The following AVPI1 variants were observed in gnomAD, a reference collection of about 807,000 sequenced individuals.
AVPI1 encodes arginine vasopressin-induced protein 1.
In AVPI1, 9 loss-of-function variants were observed where a neutral mutation model predicts 11.9. The ratio of observed to expected loss-of-function variants is 0.76; its 90% CI spans 0.46 to 1.32. The LOEUF (loss-of-function observed/expected upper bound fraction) is 1.32. AVPI1 is among the 40% of genes most tolerant of loss of function. The pLI is 0.00. For missense variants in AVPI1, 207 were observed against 195.8 expected (o/e 1.06, Z -0.34); for synonymous variants, 68 against 78.1 (o/e 0.87, Z 0.68).
intron 1 of AVPI1, among the ~76,000 whole-genome samples, chr10:97,682,003 A>G (rs56302319): frequency 0.16 from 24,890 of 152,136 alleles, 2,294 homozygotes; most frequent in Non-Finnish European, 0.21. Flanking sequence ...ATTAGGTATT[A>G]TAAGTACCCT....
At chr10:97,678,879 G>T (rs1161666405) in intron 2 of AVPI1, among the ~76,000 whole-genome samples, 1 of 134,408 alleles carries the variant, frequency 7.4e-6, no homozygotes, top group East Asian at 2.2e-4. Context: ...GGCGGGGGGA[G>T]GGTGTGTGTG....
At chr10:97,685,965 C>T (rs1483659404) in intron 1 of AVPI1, among the ~76,000 whole-genome samples, 1 of 151,950 alleles carries the variant, frequency 6.6e-6, no homozygotes, top group African/African-American at 2.4e-5. Context: ...TCTCAGTTTC[C>T]CCTGCCACAA....
At chr10:97,678,684 T>TTA (rs771573400) in intron 2 of AVPI1, among the ~76,000 whole-genome samples, 23,511 of 145,048 alleles carry the variant, frequency 0.16, 2,106 homozygotes, top group South Asian at 0.34. Flanking sequence ...TAATTAGGCT[T>TTA]AAAAAAAAAA....
rs559139217 is a variant in AVPI1 at position 97,686,630 on chromosome 10, C to T, written c.-11+136G>A. 3 of 152,210 alleles carry T rather than the reference C, an allele frequency of 2.0e-5. No homozygotes were observed. In the East Asian group the frequency reaches 5.8e-4, roughly 29 times the overall value. 9.4% of individuals were successfully genotyped at this position (152,210 alleles called of 1,614,324 possible). On this transcript the variant is annotated intron_variant, in intron 1 of 2. Coordinates refer to ENST00000370626, the MANE Select transcript of AVPI1 (RefSeq NM_021732.3). ...GGAGGTCTTCTGGGGAAGGTCGGTC[C>T]CAGAAGCCTTTCGGAGGCTATCTGC...
At chr10:97,681,353 C>T (rs1175642445) in intron 1 of AVPI1, among the ~76,000 whole-genome samples, 1 of 151,370 alleles carries the variant, frequency 6.6e-6, no homozygotes, top group Non-Finnish European at 1.5e-5. Flanking sequence ...GGAGGTGAGG[C>T]GGGCGGATCA....
chr10:97,678,286 C>T (rs770009267), intron 2 of AVPI1, among the ~76,000 whole-genome samples: 7 of 152,216 alleles, frequency 4.6e-5, no homozygotes, highest in Admixed American at 3.9e-4. Context: ...TGGCAGATGT[C>T]ATAAGTCATG....
chr10:97,681,035 T>G (rs1194313066), intron 1 of AVPI1, among the ~76,000 whole-genome samples: 1 of 152,212 alleles, frequency 6.6e-6, no homozygotes, highest in Non-Finnish European at 1.5e-5. Context: ...CCACCCATCC[T>G]TGTCTCCAGC....
At chr10:97,678,924 TGTGTGTGTGTGTGTGTGTGTGTGTGTGTG>T (rs1564779845) in intron 2 of AVPI1, among the ~76,000 whole-genome samples, 4 of 17,572 alleles carry the variant, frequency 2.3e-4, no homozygotes, top group East Asian at 1.3e-3. Flanking sequence ...TGTGTGTGTG[TGTGTGTGTGTGTGTGTGTGTGTGTGTGTG>T]TGTGTGTGTG....
intron 2 of AVPI1, among the ~76,000 whole-genome samples, chr10:97,678,284 G>A (rs942552849): frequency 2.6e-5 from 4 of 152,242 alleles, no homozygotes; most frequent in African/African-American, 9.6e-5. Flanking sequence ...CATGGCAGAT[G>A]TCATAAGTCA....
chr10:97,684,376 TGCGA>T (rs1274876799), intron 1 of AVPI1, among the ~76,000 whole-genome samples: 1 of 152,078 alleles, frequency 6.6e-6, no homozygotes, highest in East Asian at 1.9e-4. Flanking sequence ...TTCAGCGAGC[TGCGA>T]GTCACAAACA....
chr10:97,686,228 A>G (rs546797664), intron 1 of AVPI1, among the ~76,000 whole-genome samples: 24 of 152,362 alleles, frequency 1.6e-4, no homozygotes, highest in African/African-American at 5.5e-4. Context: ...TATACCACAG[A>G]CATTCTATGC....
chr10:97,678,930 T>TTTTCA, intron 2 of AVPI1, among the ~76,000 whole-genome samples: 2 of 20,400 alleles, frequency 9.8e-5, no homozygotes, highest in African/African-American at 3.5e-4. Context: ...TGTGTGTGTG[T>TTTTCA]GTGTGTGTGT....
At chr10:97,678,954 T>TTTTCA (rs1564779919) in intron 2 of AVPI1, among the ~76,000 whole-genome samples, 2 of 43,048 alleles carry the variant, frequency 4.6e-5, no homozygotes, top group African/African-American at 8.7e-5. Flanking sequence ...TGTGTGTGTG[T>TTTTCA]GTGTGTGTGT....
intron 2 of AVPI1, 111 bp downstream of exon 2, chr10:97,679,508 G>T: frequency 7.6e-7 from 1 of 1,317,518 alleles, no homozygotes; most frequent in Non-Finnish European, 1.0e-6. Context: ...CCCCAATGGT[G>T]GGCAGGCACT....
Position 97,677,741 on chromosome 10 carries a change from G to C in AVPI1, c.*128C>G. ...ATCCAGTCTTGTTCTGAATGGAGCAGGTCAGTGGCAGCAGCCTCTTGCTTT... is the reference window on the plus strand; with the variant it reads ...ATCCAGTCTTGTTCTGAATGGAGCACGTCAGTGGCAGCAGCCTCTTGCTTT... On this transcript the variant is annotated 3_prime_UTR_variant, in exon 3 of 3. Coordinates refer to ENST00000370626, the MANE Select transcript of AVPI1 (RefSeq NM_021732.3). 1 of 1,110,232 alleles carries C rather than the reference G, an allele frequency of 9.0e-7. No individual in the cohort carries two copies. Among genetic ancestry groups the C allele is most frequent in the South Asian group, 1.5e-5 (1 of 64,612 alleles). The allele number at this position is 1,110,232 out of a possible 1,614,324, so 68.8% of individuals were successfully genotyped here. A position where few individuals can be genotyped will look rare whatever the true frequency, so the allele number is the denominator to read the frequency against.
Position 97,687,180 on chromosome 10 carries a change from G to A in AVPI1, c.-425C>T, listed in dbSNP as rs1268105885. ...TCCGGGCCACTTGGGTCACAGCCGC[G>A]GTTCCCGGGAGAAAGCGCTCCCTAG... On this transcript the variant is annotated 5_prime_UTR_variant, in exon 1 of 3. Transcript: ENST00000370626. The A allele has an allele frequency of 6.6e-6, 1 of 152,410 alleles. No homozygotes were observed. 9.4% of individuals were successfully genotyped at this position (152,410 alleles called of 1,614,324 possible). A position where few individuals can be genotyped will look rare whatever the true frequency, so the allele number is the denominator to read the frequency against.
intron 1 of AVPI1, 51 bp from the exon 2 acceptor site, chr10:97,679,966 A>C (rs2041696141): frequency 6.9e-7 from 1 of 1,454,926 alleles, no homozygotes; most frequent in South Asian, 1.4e-5. Context: ...TCCTTCCCAG[A>C]CCTGGGGGTC....
intron 1 of AVPI1, among the ~76,000 whole-genome samples, chr10:97,685,952 A>G (rs1293189540): frequency 6.6e-6 from 1 of 152,078 alleles, no homozygotes; most frequent in Non-Finnish European, 1.5e-5. Context: ...GACCTTGGAT[A>G]AGTCTCAGTT....
chr10:97,683,902 C>T (rs1246246010), intron 1 of AVPI1, among the ~76,000 whole-genome samples: 1 of 152,230 alleles, frequency 6.6e-6, no homozygotes, highest in Non-Finnish European at 1.5e-5. Flanking sequence ...CAGCTTGATG[C>T]TGTTTGTTTC....
Sources: gnomAD v4.1 joint callset for allele counts (sites outside exome capture counted in the v4.1 genomes callset) on GRCh38, gnomAD v4.1.1 for gene constraint, MANE v1.5 for transcripts, NCBI Gene and HGNC (gene_info 2026-07-23, HGNC 2026-07-21) for gene names.